The following TMEM132D variants were observed in gnomAD, a reference collection of about 807,000 sequenced individuals.
TMEM132D encodes transmembrane protein 132D, also known as mature OL transmembrane protein.
TMEM132D carries 21 observed loss-of-function variants against 62.3 expected under a neutral mutation model. That is an observed-to-expected ratio of 0.34 (90% CI 0.24 to 0.49). The LOEUF (loss-of-function observed/expected upper bound fraction) is 0.49. TMEM132D is among the 20% of genes least tolerant of loss of function. The pLI, the probability that TMEM132D is intolerant of heterozygous loss-of-function variation, is 0.99. For missense variants in TMEM132D, 1,346 were observed against 1,402.8 expected, an observed-to-expected ratio of 0.96 and a Z score of 0.65; for synonymous variants, 621 against 575.6, an observed-to-expected ratio of 1.08 and a Z score of -1.13.
intron 5 of TMEM132D, among the ~76,000 whole-genome samples, chr12:129,168,841 C>T (rs940212981): frequency 6.6e-6 from 1 of 152,126 alleles, no homozygotes; most frequent in Admixed American, 6.5e-5. Context: ...TTGAGAACCG[C>T]TGACCTAACT....
intron 1 of TMEM132D, among the ~76,000 whole-genome samples, chr12:129,757,943 C>T (rs142064808): frequency 0.029 from 4,413 of 152,232 alleles, 104 homozygotes; most frequent in South Asian, 0.12. Context: ...CACTCTGTTG[C>T]CCAGGCTGGA....
At chr12:129,198,866 T>G (rs767988984) in intron 5 of TMEM132D, among the ~76,000 whole-genome samples, 3 of 152,136 alleles carry the variant, frequency 2.0e-5, no homozygotes, top group Non-Finnish European at 4.4e-5. Flanking sequence ...CATTTTTTCA[T>G]AAATCTTAAC....
chr12:129,692,826 A>G (rs1038449793), intron 2 of TMEM132D, among the ~76,000 whole-genome samples: 2 of 152,080 alleles, frequency 1.3e-5, no homozygotes, highest in African/African-American at 4.8e-5. Context: ...AGAGCGGAAC[A>G]ACATTCACTG....
intron 1 of TMEM132D, among the ~76,000 whole-genome samples, chr12:129,721,766 T>C (rs1868841290): frequency 6.6e-6 from 1 of 152,150 alleles, no homozygotes; most frequent in African/African-American, 2.4e-5. Flanking sequence ...GTATCACCCA[T>C]GGGCCTAATC....
chr12:129,726,168 T>G (rs925762703), intron 1 of TMEM132D, among the ~76,000 whole-genome samples: 6 of 152,196 alleles, frequency 3.9e-5, no homozygotes, highest in African/African-American at 1.4e-4. Flanking sequence ...AGCTTGGGCC[T>G]GGTTTCCCAT....
intron 1 of TMEM132D, among the ~76,000 whole-genome samples, chr12:129,851,686 C>T (rs527522716): frequency 6.6e-6 from 1 of 151,854 alleles, no homozygotes; most frequent in East Asian, 1.9e-4. Context: ...TGCTTCCCTA[C>T]AGCAGTGCAT....
intron 3 of TMEM132D, among the ~76,000 whole-genome samples, chr12:129,530,011 G>T (rs1593053060): frequency 6.6e-6 from 1 of 152,038 alleles, no homozygotes; most frequent in African/African-American, 2.4e-5. Flanking sequence ...CCTCTCATTT[G>T]CTGTACAAGC....
chr12:129,889,572 T>G (rs974388381), intron 1 of TMEM132D, among the ~76,000 whole-genome samples: 6 of 152,230 alleles, frequency 3.9e-5, no homozygotes, highest in Admixed American at 6.5e-5. Context: ...TACTAAAATA[T>G]TATTAGAAAA....
chr12:129,285,257 G>A (rs559444826), intron 4 of TMEM132D, among the ~76,000 whole-genome samples: 1 of 151,674 alleles, frequency 6.6e-6, no homozygotes. Context: ...GGTGGCTCAC[G>A]CCTGTAATCT....
intron 3 of TMEM132D, among the ~76,000 whole-genome samples, chr12:129,470,323 T>C (rs186709959): frequency 6.2e-4 from 95 of 152,302 alleles, no homozygotes; most frequent in Admixed American, 1.4e-3. Flanking sequence ...TAAGATTTTG[T>C]TTTTTTAAAT....
chr12:129,350,154 A>G lies in TMEM132D; in HGVS notation c.1116-12337T>C, dbSNP rs1307505957. ...ACTACAGGCCTCCTAATAGACATAGATAATTTCAAGCTACAGATTTATGTG... is the reference window on the plus strand; with the variant it reads ...ACTACAGGCCTCCTAATAGACATAGGTAATTTCAAGCTACAGATTTATGTG... On this transcript the variant is annotated intron_variant, in intron 3 of 8. Coordinates refer to ENST00000422113, the MANE Select transcript of TMEM132D (RefSeq NM_133448.3). Among the ~76,000 whole-genome samples, 5 of 152,222 alleles carry G rather than the reference A, an allele frequency of 3.3e-5. No homozygotes were observed. In the East Asian group the frequency reaches 9.6e-4, roughly 29 times the overall value.
At chr12:129,860,673 T>C (rs1235334519) in intron 1 of TMEM132D, among the ~76,000 whole-genome samples, 4 of 152,150 alleles carry the variant, frequency 2.6e-5, no homozygotes, top group African/African-American at 7.2e-5. Context: ...TAAAAACATA[T>C]CCGAGACTGG....
intron 4 of TMEM132D, among the ~76,000 whole-genome samples, chr12:129,299,370 C>T (rs1307590101): frequency 2.0e-5 from 3 of 147,020 alleles, no homozygotes; most frequent in African/African-American, 7.5e-5. Context: ...CATATGCAGA[C>T]TTTTTTATGG....
chr12:129,238,482 T>C (rs1290874410), intron 4 of TMEM132D, among the ~76,000 whole-genome samples: 1 of 152,190 alleles, frequency 6.6e-6, no homozygotes, highest in Non-Finnish European at 1.5e-5. Context: ...CAACTTCCCT[T>C]TACCTTTTCT....
chr12:129,821,693 C>T lies in TMEM132D; in HGVS notation c.79+81568G>A, dbSNP rs139484522. On this transcript the variant is annotated intron_variant, in intron 1 of 8. Coordinates refer to ENST00000422113, the MANE Select transcript of TMEM132D (RefSeq NM_133448.3). ...ACAGAGCCCATTTTGGACAGTGCCA[C>T]TCACCCTTCAACACACAGGTGCATC... Among the ~76,000 whole-genome samples, 151 of 152,298 alleles carry T rather than the reference C, an allele frequency of 9.9e-4. 1 individual carries two copies. Among genetic ancestry groups the T allele is most frequent in the African/African-American group, 3.4e-3 (141 of 41,562 alleles).
intron 3 of TMEM132D, among the ~76,000 whole-genome samples, chr12:129,408,323 A>C (rs1423095882): frequency 2.0e-5 from 3 of 152,226 alleles, no homozygotes; most frequent in Non-Finnish European, 4.4e-5. Context: ...TTTTTCTGAA[A>C]ACCCTGCTAG....
At chr12:129,640,766 G>A (rs1879622375) in intron 2 of TMEM132D, among the ~76,000 whole-genome samples, 1 of 152,156 alleles carries the variant, frequency 6.6e-6, no homozygotes, top group African/African-American at 2.4e-5. Context: ...GGTGAGTGAT[G>A]GGTGAGTGAG....
At chr12:129,480,387 G>A (rs12824601) in intron 3 of TMEM132D, among the ~76,000 whole-genome samples, 49,304 of 152,056 alleles carry the variant, frequency 0.32, 9,979 homozygotes, top group African/African-American at 0.57. Flanking sequence ...TGTCCTGATG[G>A]GAGTTTAAAA....
intron 2 of TMEM132D, among the ~76,000 whole-genome samples, chr12:129,686,737 C>A (rs1880930304): frequency 6.6e-6 from 1 of 152,172 alleles, no homozygotes; most frequent in South Asian, 2.1e-4. Context: ...CACAATGGAG[C>A]CAGTAACACT....
Sources: gnomAD v4.1 joint callset for allele counts (sites outside exome capture counted in the v4.1 genomes callset) on GRCh38, gnomAD v4.1.1 for gene constraint, MANE v1.5 for transcripts, NCBI Gene and HGNC (gene_info 2026-07-23, HGNC 2026-07-21) for gene names.